CTNNA2: variants seen among roughly 807,000 people sequenced by gnomAD.
CTNNA2 encodes the protein catenin alpha-2.
In CTNNA2, 42 loss-of-function variants were observed where a neutral mutation model predicts 101.0. That is an observed-to-expected ratio of 0.42 (90% CI 0.32 to 0.54). The LOEUF is 0.54. Ranked by LOEUF, CTNNA2 falls within the 20% of genes least tolerant of loss-of-function variation. The pLI is 0.14. For synonymous variants in CTNNA2, 450 were observed against 456.4 expected, an observed-to-expected ratio of 0.99 and a Z score of 0.18; for missense variants, 871 against 1,223.1, an observed-to-expected ratio of 0.71 and a Z score of 4.29.
chr2:79,239,987 C>T (rs1484762493), intron 2 of CTNNA2, among the ~76,000 whole-genome samples: 1 of 146,858 alleles, frequency 6.8e-6, no homozygotes, highest in African/African-American at 2.5e-5. Flanking sequence ...GGCTGGAGTG[C>T]AACCTCAGCC....
chr2:79,272,387 A>G (rs1269124879), intron 2 of CTNNA2, among the ~76,000 whole-genome samples: 1 of 152,110 alleles, frequency 6.6e-6, no homozygotes, highest in East Asian at 1.9e-4. Flanking sequence ...TCCAATTAAA[A>G]ACTTCAAAAA....
intron 7 of CTNNA2, among the ~76,000 whole-genome samples, chr2:80,371,968 T>C (rs1407062274): frequency 6.6e-6 from 1 of 152,180 alleles, no homozygotes; most frequent in Non-Finnish European, 1.5e-5. Context: ...TAATAATTTT[T>C]CAGCTCCAGA....
chr2:79,877,131 T>C lies in CTNNA2; in HGVS notation c.852+2789T>C, dbSNP rs569698631. ...AGTATATTAATGAGGTAATATATTC[T>C]TATTAAATGTATACTGTTTCTCAAG... is the stretch of plus-strand genomic sequence containing the variant. On this transcript the variant is annotated intron_variant, in intron 6 of 18. Coordinates refer to ENST00000402739, the MANE Select transcript of CTNNA2 (RefSeq NM_001282597.3). 2.0e-5 allele frequency among the ~76,000 whole-genome samples: 3 copies of C among 152,106 alleles called. No individual in the cohort carries two copies. In the South Asian group the frequency reaches 6.2e-4, roughly 32 times the overall value.
chr2:79,807,807 G>A (rs989369691), intron 3 of CTNNA2, among the ~76,000 whole-genome samples: 1 of 151,928 alleles, frequency 6.6e-6, no homozygotes, highest in Admixed American at 6.6e-5. Flanking sequence ...GTTCTGAGGG[G>A]CAAAAAAAAG....
intron 6 of CTNNA2, among the ~76,000 whole-genome samples, chr2:79,880,387 G>A (rs1423681629): frequency 2.0e-5 from 3 of 152,168 alleles, no homozygotes; most frequent in Admixed American, 6.5e-5. Context: ...GTTACAAAAG[G>A]AAGGGTACCA....
intron 12 of CTNNA2, among the ~76,000 whole-genome samples, chr2:80,561,534 A>C (rs73938504): frequency 0.011 from 1,713 of 152,302 alleles, 35 homozygotes; most frequent in African/African-American, 0.035. Flanking sequence ...CTCTTGGAGC[A>C]ATGTGATGAG....
chr2:79,191,359 TC>T, intron 1 of CTNNA2, among the ~76,000 whole-genome samples: 1 of 152,300 alleles, frequency 6.6e-6, no homozygotes, highest in East Asian at 1.9e-4. Flanking sequence ...ATCTGACACT[TC>T]CTTAAAGGGC....
At chr2:80,338,428 G>A (rs568521192) in intron 7 of CTNNA2, among the ~76,000 whole-genome samples, 1 of 151,782 alleles carries the variant, frequency 6.6e-6, no homozygotes, top group South Asian at 2.1e-4. Flanking sequence ...GAACATTTCA[G>A]TAACAGCTGG....
chr2:79,476,528 G>A (rs760522713), intron 4 of CTNNA2, among the ~76,000 whole-genome samples: 50 of 152,108 alleles, frequency 3.3e-4, no homozygotes, highest in Non-Finnish European at 4.3e-4. Context: ...AATGTAGATG[G>A]CATGCAAGAA....
At chr2:79,853,095 T>C (rs1680855584) in intron 3 of CTNNA2, among the ~76,000 whole-genome samples, 2 of 151,966 alleles carry the variant, frequency 1.3e-5, no homozygotes, top group South Asian at 2.1e-4. Flanking sequence ...CTTGAACTCC[T>C]GACCTCAAGT....
intron 1 of CTNNA2, 132 bp downstream of exon 1, chr2:79,513,339 C>A (rs1373111809): frequency 1.4e-5 from 2 of 147,438 alleles, no homozygotes; most frequent in African/African-American, 5.0e-5. Context: ...ATCCCTCTCT[C>A]CTCTCCCCTC....
At chr2:80,485,741 C>G (rs934175122) in intron 9 of CTNNA2, among the ~76,000 whole-genome samples, 5 of 152,050 alleles carry the variant, frequency 3.3e-5, no homozygotes, top group African/African-American at 7.2e-5. Flanking sequence ...ATAACAACAA[C>G]AGAATCACAA....
At chr2:79,338,245 C>CAAAAAAA (rs59474388) in intron 3 of CTNNA2, among the ~76,000 whole-genome samples, 6 of 109,234 alleles carry the variant, frequency 5.5e-5, no homozygotes, top group East Asian at 6.8e-4. Context: ...GACTCCATCT[C>CAAAAAAA]AAAAAAAAAA....
chr2:79,874,422 A>G (rs1476402187), intron 6 of CTNNA2, 80 bp downstream of exon 6: 1 of 1,462,914 alleles, frequency 6.8e-7, no homozygotes, highest in Non-Finnish European at 9.3e-7. Flanking sequence ...ATGAAGGGCC[A>G]CTACAATAAT....
chr2:80,373,642 T>A (rs13421068), intron 7 of CTNNA2, among the ~76,000 whole-genome samples: 9,314 of 152,182 alleles, frequency 0.061, 570 homozygotes, highest in African/African-American at 0.15. Context: ...TACTTACTTA[T>A]TATTGAATTA....
At chr2:80,008,705 T>G (rs1693555835) in intron 7 of CTNNA2, among the ~76,000 whole-genome samples, 1 of 152,224 alleles carries the variant, frequency 6.6e-6, no homozygotes, top group African/African-American at 2.4e-5. Flanking sequence ...ACGTCACTTA[T>G]GTTCTTTAAT....
At chr2:80,184,087 C>T (rs1164545101) in intron 7 of CTNNA2, among the ~76,000 whole-genome samples, 1 of 151,358 alleles carries the variant, frequency 6.6e-6, no homozygotes, top group Non-Finnish European at 1.5e-5. Context: ...ATAATAATAA[C>T]CACAAAACAT....
At chr2:79,340,249 C>T (rs571083896) in intron 3 of CTNNA2, 7 of 151,662 alleles carry the variant, frequency 4.6e-5, no homozygotes, top group Non-Finnish European at 7.4e-5. Flanking sequence ...GTAACAACAA[C>T]AAAAAAACAC....
intron 7 of CTNNA2, among the ~76,000 whole-genome samples, chr2:79,921,036 A>C (rs1265693319): frequency 6.6e-6 from 1 of 152,202 alleles, no homozygotes; most frequent in East Asian, 1.9e-4. Context: ...CCTAAAAGAC[A>C]CAAAATAATT....
Sources: gnomAD v4.1 joint callset for allele counts (sites outside exome capture counted in the v4.1 genomes callset) on GRCh38, gnomAD v4.1.1 for gene constraint, MANE v1.5 for transcripts, NCBI Gene and HGNC (gene_info 2026-07-23, HGNC 2026-07-21) for gene names.